STRN: variants seen among roughly 807,000 people sequenced by gnomAD.
The protein encoded by STRN is striatin.
STRN carries 53 observed loss-of-function variants against 96.3 expected under a neutral mutation model. That is an observed-to-expected ratio of 0.55 (90% CI 0.44 to 0.69). The LOEUF is 0.69. STRN is among the 30% of genes least tolerant of loss of function. STRN has a pLI of 0.00. For missense variants in STRN, 987 were observed against 963.9 expected, an observed-to-expected ratio of 1.02 and a Z score of -0.32; for synonymous variants, 428 against 355.9, an observed-to-expected ratio of 1.20 and a Z score of -2.28.
chr2:36,965,318 A>G (rs2148287024), intron 1 of STRN, among the ~76,000 whole-genome samples: 1 of 152,348 alleles, frequency 6.6e-6, no homozygotes. Context: ...TTTAAGAACA[A>G]CCACTGAAAA....
chr2:36,851,824 A>G (rs1460890639), intron 15 of STRN, among the ~76,000 whole-genome samples: 2 of 152,230 alleles, frequency 1.3e-5, no homozygotes, highest in African/African-American at 4.8e-5. Context: ...CTAAAGATAT[A>G]TATGACAAAG....
intron 7 of STRN, among the ~76,000 whole-genome samples, chr2:36,891,118 T>C (rs1252005829): frequency 6.6e-6 from 1 of 152,198 alleles, no homozygotes; most frequent in African/African-American, 2.4e-5. Flanking sequence ...ATGGCAGTGC[T>C]CAAAAAGTTT....
intron 1 of STRN, among the ~76,000 whole-genome samples, chr2:36,928,658 A>AG (rs1670484707): frequency 6.8e-6 from 1 of 148,008 alleles, no homozygotes. Flanking sequence ...TCTTAAAAAA[A>AG]AAAAGGCAGG....
At chr2:36,944,367 A>C (rs1301325072) in intron 1 of STRN, among the ~76,000 whole-genome samples, 1 of 152,242 alleles carries the variant, frequency 6.6e-6, no homozygotes, top group African/African-American at 2.4e-5. Flanking sequence ...TGCAGTTCCA[A>C]GAGTTTTCAG....
At chr2:36,902,065 A>G (rs1669697088) in intron 5 of STRN, among the ~76,000 whole-genome samples, 1 of 152,228 alleles carries the variant, frequency 6.6e-6, no homozygotes, top group East Asian at 1.9e-4. Flanking sequence ...TGTATGATAC[A>G]TAATCCAAAA....
At chr2:36,871,031 A>G (rs1268285058) in intron 10 of STRN, among the ~76,000 whole-genome samples, 1 of 152,248 alleles carries the variant, frequency 6.6e-6, no homozygotes, top group Non-Finnish European at 1.5e-5. Flanking sequence ...GAGTAAGGAT[A>G]TAAAGGAAGA....
chr2:36,940,836 C>CAAAAA (rs56996485), intron 1 of STRN, among the ~76,000 whole-genome samples: 2 of 46,570 alleles, frequency 4.3e-5, no homozygotes, highest in African/African-American at 5.9e-5. Context: ...GACTCTGTCT[C>CAAAAA]AAAAAAAAAA....
At chr2:36,887,164 CA>C (rs1669256913) in intron 7 of STRN, among the ~76,000 whole-genome samples, 1 of 151,596 alleles carries the variant, frequency 6.6e-6, no homozygotes, top group Non-Finnish European at 1.5e-5. Context: ...TGGGGTGGCT[CA>C]CGCCTATAAT....
chr2:36,855,498 C>G (rs1436484816), intron 14 of STRN, 146 bp from the exon 15 acceptor site: 2 of 772,732 alleles, frequency 2.6e-6, no homozygotes, highest in Non-Finnish European at 3.9e-6. Context: ...CATAACTATT[C>G]ATTGGAGATT....
intron 5 of STRN, among the ~76,000 whole-genome samples, chr2:36,899,918 C>T (rs755570693): frequency 6.6e-5 from 10 of 152,260 alleles, no homozygotes; most frequent in Admixed American, 2.0e-4. Flanking sequence ...ACAAAGTCTC[C>T]GGGCTCTGTC....
At chr2:36,958,151 C>T (rs1184428041) in intron 1 of STRN, among the ~76,000 whole-genome samples, 1 of 151,896 alleles carries the variant, frequency 6.6e-6, no homozygotes, top group South Asian at 2.1e-4. Context: ...AACTCCGGAC[C>T]TCAGGTGATC....
chr2:36,876,071 C>A (rs903863257), intron 10 of STRN, among the ~76,000 whole-genome samples: 3 of 152,056 alleles, frequency 2.0e-5, no homozygotes, highest in African/African-American at 4.8e-5. Context: ...GAGTTTGAGA[C>A]CAGTCTGAGC....
rs945807941 is a variant in STRN, at chr2:36,846,192, A to G, written c.*3264T>C. 2.0e-5 allele frequency: 3 copies of G among 151,034 alleles called. No homozygotes were observed. The highest frequency in any genetic ancestry group is 7.3e-5 in the African/African-American group (3 of 41,090). The allele number at this position is 151,034 out of a possible 1,614,324, so 9.4% of individuals were successfully genotyped here. A position where few individuals can be genotyped will look rare whatever the true frequency, so the allele number is the denominator to read the frequency against. On this transcript the variant is annotated 3_prime_UTR_variant, in exon 18 of 18. Coordinates refer to ENST00000263918, the MANE Select transcript of STRN (RefSeq NM_003162.4). The stretch of plus-strand genomic sequence containing the variant: ...CCAGGTTTTCTTACATTCAGATTTT[A>G]ATACACTAGAATGACAGTCTTTAAA...
chr2:36,913,444 T>C (rs1010488337), intron 3 of STRN, among the ~76,000 whole-genome samples: 2 of 152,182 alleles, frequency 1.3e-5, no homozygotes, highest in Non-Finnish European at 2.9e-5. Flanking sequence ...AAATAGTCAG[T>C]TTACTTGCCC....
Position 36,869,734 on chromosome 2 carries a change from TAAA to T in STRN, c.1324-8_1324-6del. ...TGCATCTTTATTGTTTGCTATCTAT[TAAA>T]GAAACAAAACAAAGATATCTACACA... On this transcript the variant is annotated splice_region_variant and splice_polypyrimidine_tract_variant and intron_variant, in intron 10 of 17. Coordinates refer to ENST00000263918, the MANE Select transcript of STRN (RefSeq NM_003162.4). 1 of 1,574,374 alleles carries T rather than the reference TAAA, an allele frequency of 6.4e-7. No individual in the cohort carries two copies. The highest frequency in any genetic ancestry group is 1.2e-5 in the South Asian group (1 of 83,988).
At chr2:36,948,349 C>G (rs537556695) in intron 1 of STRN, among the ~76,000 whole-genome samples, 320 of 152,124 alleles carry the variant, frequency 2.1e-3, no homozygotes, top group African/African-American at 7.4e-3. Flanking sequence ...ATCCGCCCGC[C>G]TCGGCCTCTC....
chr2:36,877,804 G>C, intron 10 of STRN, 87 bp downstream of exon 10: 2 of 1,503,052 alleles, frequency 1.3e-6, no homozygotes, highest in Non-Finnish European at 1.8e-6. Context: ...CCAAAGTGCT[G>C]GATTACAGGC....
Position 36,853,568 on chromosome 2 carries a change from C to T in STRN, c.1978+1644G>A, listed in dbSNP as rs548299346. On this transcript the variant is annotated intron_variant, in intron 15 of 17. Coordinates refer to ENST00000263918, the MANE Select transcript of STRN (RefSeq NM_003162.4). ...CAGAATGCAAAGAACACTACTCATA[C>T]CTAGCTTGTGACGTATCTGCTTCAA... Among the ~76,000 whole-genome samples, 13 of 152,312 alleles carry T rather than the reference C, an allele frequency of 8.5e-5. No homozygotes were observed. The East Asian group carries it at 2.3e-3, about 27-fold the overall frequency.
At chr2:36,966,108 G>C in intron 1 of STRN, 122 bp downstream of exon 1, 2 of 1,179,886 alleles carry the variant, frequency 1.7e-6, no homozygotes, top group Non-Finnish European at 2.2e-6. Context: ...CTCCGGGTGG[G>C]ATGGGCGGCA....
Sources: allele counts gnomAD v4.1 joint callset (sites outside exome capture counted in the v4.1 genomes callset), GRCh38; gene constraint gnomAD v4.1.1; transcripts MANE v1.5; gene names NCBI Gene and HGNC (gene_info 2026-07-23, HGNC 2026-07-21).